Variants in TRIO observed in about 807,000 individuals in gnomAD.
TRIO encodes the protein trio Rho guanine nucleotide exchange factor.
Under a neutral mutation model 351.9 loss-of-function variants are expected in TRIO, and 58 were observed. That is an observed-to-expected ratio of 0.16 (90% CI 0.13 to 0.21). TRIO has a LOEUF of 0.21. Ranked by LOEUF, TRIO falls within the 10% of genes least tolerant of loss-of-function variation. The pLI, the probability that TRIO is intolerant of heterozygous loss-of-function variation, is 1.00. For synonymous variants in TRIO, 1,758 were observed against 1,595.7 expected, an observed-to-expected ratio of 1.10 and a Z score of -2.42; for missense variants, 3,201 against 4,027.8, an observed-to-expected ratio of 0.79 and a Z score of 5.56.
intron 1 of TRIO, among the ~76,000 whole-genome samples, chr5:14,178,550 A>G (rs1789546240): frequency 6.6e-6 from 1 of 152,232 alleles, no homozygotes; most frequent in Non-Finnish European, 1.5e-5. Flanking sequence ...TGAGAGTGAA[A>G]GAGGGTGTTA....
At chr5:14,180,670 C>CA (rs534173663) in intron 1 of TRIO, among the ~76,000 whole-genome samples, 1 of 151,830 alleles carries the variant, frequency 6.6e-6, no homozygotes, top group Admixed American at 6.6e-5. Flanking sequence ...CCTATCTCTA[C>CA]AAAAAAATAA....
At chr5:14,406,267 C>CA (rs1435958298) in intron 32 of TRIO, 1 of 565,606 alleles carries the variant, frequency 1.8e-6, no homozygotes, top group East Asian at 3.1e-5. Flanking sequence ...CTAACTCATG[C>CA]ACATGACCTT....
intron 10 of TRIO, among the ~76,000 whole-genome samples, chr5:14,331,191 A>G (rs916581208): frequency 6.6e-6 from 1 of 152,258 alleles, no homozygotes; most frequent in African/African-American, 2.4e-5. Context: ...ATTCCAGTTT[A>G]TAATCAGGAA....
intron 21 of TRIO, among the ~76,000 whole-genome samples, chr5:14,385,584 T>C (rs910374650): frequency 1.3e-5 from 2 of 152,238 alleles, no homozygotes; most frequent in Admixed American, 6.5e-5. Context: ...TGCTTGTACA[T>C]GCACATAAAA....
chr5:14,260,303 G>A (rs1795272474), intron 1 of TRIO, among the ~76,000 whole-genome samples: 1 of 152,198 alleles, frequency 6.6e-6, no homozygotes, highest in African/African-American at 2.4e-5. Flanking sequence ...ATAACAGTGT[G>A]TTTTGGAAGA....
intron 38 of TRIO, among the ~76,000 whole-genome samples, chr5:14,472,029 G>C (rs919291914): frequency 5.9e-5 from 9 of 152,168 alleles, no homozygotes; most frequent in Non-Finnish European, 1.2e-4. Flanking sequence ...GGTTGATGTT[G>C]GTTGAATGAA....
In TRIO at chr5:14,508,408, C is replaced by T; in HGVS notation, c.9280C>T (p.Leu3094=). The T allele has an allele frequency of 6.2e-7, 1 of 1,609,052 alleles. No individual in the cohort carries two copies. Among genetic ancestry groups the T allele is most frequent in the Non-Finnish European group, 8.5e-7 (1 of 1,176,530 alleles). ...SIKNFLQSRL[L]PRV Reference sequence around the variant, plus strand: ...TAAAAACTTTCTGCAGAGCAGGCTTCTGCCTAGAGTTTGACCTATCCAGAA... The same window carrying T: ...TAAAAACTTTCTGCAGAGCAGGCTTTTGCCTAGAGTTTGACCTATCCAGAA... The change falls in exon 57 of 57, where the codon CTG becomes TTG. Residue 3094 remains leucine (L), a synonymous_variant. Transcript: ENST00000344204.
At chr5:14,363,459 C>T (rs571905430) in intron 13 of TRIO, among the ~76,000 whole-genome samples, 4 of 152,254 alleles carry the variant, frequency 2.6e-5, no homozygotes, top group South Asian at 2.1e-4. Context: ...TCTTTGGATA[C>T]ACAAAGAGAA....
chr5:14,168,122 A>G (rs1019145774), intron 1 of TRIO, among the ~76,000 whole-genome samples: 1 of 152,362 alleles, frequency 6.6e-6, no homozygotes, highest in Admixed American at 6.5e-5. Context: ...CAATTGGAAG[A>G]GAAGCCAGAA....
intron 1 of TRIO, among the ~76,000 whole-genome samples, chr5:14,261,718 G>A (rs1581472997): frequency 6.6e-6 from 1 of 152,212 alleles, no homozygotes; most frequent in East Asian, 1.9e-4. Flanking sequence ...GTGCTGGAAC[G>A]ACAAGCCTCC....
At chr5:14,215,852 T>G (rs563120896) in intron 1 of TRIO, among the ~76,000 whole-genome samples, 1 of 152,332 alleles carries the variant, frequency 6.6e-6, no homozygotes, top group East Asian at 1.9e-4. Context: ...AGAAGCTAGT[T>G]TTGAGAGTCG....
intron 34 of TRIO, among the ~76,000 whole-genome samples, chr5:14,458,193 C>G (rs770117450): frequency 6.6e-6 from 1 of 152,178 alleles, no homozygotes; most frequent in Non-Finnish European, 1.5e-5. Context: ...GAATCTATGT[C>G]AAACAAAAGA....
intron 8 of TRIO, among the ~76,000 whole-genome samples, chr5:14,310,680 C>T (rs779583774): frequency 1.1e-4 from 16 of 152,184 alleles, no homozygotes; most frequent in East Asian, 9.6e-4. Flanking sequence ...AGTTCCCTTG[C>T]GGTAGAGTCA....
At chr5:14,149,239 C>T (rs189780325) in intron 1 of TRIO, among the ~76,000 whole-genome samples, 203 of 152,250 alleles carry the variant, frequency 1.3e-3, no homozygotes, top group Non-Finnish European at 2.6e-3. Context: ...CCTGCTAGTT[C>T]GTAAATCTCA....
chr5:14,455,663 A>G (rs565501167), intron 34 of TRIO, among the ~76,000 whole-genome samples: 2 of 152,278 alleles, frequency 1.3e-5, no homozygotes, highest in Admixed American at 6.5e-5. Context: ...TTAACTAAAC[A>G]TAAATGTTCT....
At chr5:14,251,674 T>G (rs1286488017) in intron 1 of TRIO, among the ~76,000 whole-genome samples, 1 of 152,116 alleles carries the variant, frequency 6.6e-6, no homozygotes, top group Non-Finnish European at 1.5e-5. Flanking sequence ...CGTCTTTTCG[T>G]TTATTGAGCC....
At chr5:14,479,798 G>A in intron 42 of TRIO, 121 bp from the exon 43 acceptor site, 3 of 834,448 alleles carry the variant, frequency 3.6e-6, no homozygotes, top group Non-Finnish European at 5.7e-6. Context: ...AGTTAGTCTA[G>A]TGCTTTTTTT....
intron 34 of TRIO, among the ~76,000 whole-genome samples, chr5:14,445,946 C>T (rs76693961): frequency 0.026 from 4,023 of 152,354 alleles, 67 homozygotes; most frequent in South Asian, 0.064. Flanking sequence ...CCCAGCCCCA[C>T]GCAGGGGCGG....
chr5:14,472,856 CT>C (rs1459873876), intron 39 of TRIO, among the ~76,000 whole-genome samples, 198 bp downstream of exon 39: 10 of 152,250 alleles, frequency 6.6e-5, no homozygotes, highest in Non-Finnish European at 1.3e-4. Context: ...GTAAATGCTT[CT>C]TTTTCGCATA....
Sources: allele counts gnomAD v4.1 joint callset (sites outside exome capture counted in the v4.1 genomes callset), GRCh38; gene constraint gnomAD v4.1.1; transcripts MANE v1.5; gene names NCBI Gene and HGNC (gene_info 2026-07-23, HGNC 2026-07-21).